IKBKB: variants seen among roughly 807,000 people sequenced by gnomAD.
IKBKB encodes inhibitor of nuclear factor kappa-B kinase subunit beta.
Under a neutral mutation model 113.6 loss-of-function variants are expected in IKBKB, and 42 were observed. The ratio of observed to expected loss-of-function variants is 0.37; its 90% CI spans 0.29 to 0.48. The LOEUF is 0.48. Among genes scored for constraint, IKBKB ranks in the 20% least tolerant of loss-of-function variants. The probability of loss-of-function intolerance (pLI) is 0.99; values close to 1 mark genes in which losing one functional copy is unlikely to be tolerated. For synonymous variants in IKBKB, 296 were observed against 361.3 expected (o/e 0.82, Z 2.05); for missense variants, 673 against 939.7 (o/e 0.72, Z 3.71).
At chr8:42,297,026 G>C (rs2130408337) in intron 5 of IKBKB, among the ~76,000 whole-genome samples, 1 of 152,256 alleles carries the variant, frequency 6.6e-6, no homozygotes, top group African/African-American at 2.4e-5. Flanking sequence ...CTTCTTTAGG[G>C]CATGACCTGA....
intron 2 of IKBKB, among the ~76,000 whole-genome samples, chr8:42,275,228 A>G (rs1028871888): frequency 2.0e-5 from 3 of 150,748 alleles, no homozygotes; most frequent in Admixed American, 2.0e-4. Context: ...TCAATCTGTC[A>G]TCCAGGCTGA....
rs200034788 is a variant in IKBKB at position 42,272,193 on chromosome 8, A to G, written c.93A>G (p.Arg31=). 6.2e-6 allele frequency: 10 copies of G among 1,614,138 alleles called. No homozygotes were observed. Among genetic ancestry groups the G allele is most frequent in the Admixed American group, 3.3e-5 (2 of 60,006 alleles). ...LGTGGFGNVI[R]WHNQETGEQI... ...CAGGGGGATTTGGAAATGTCATCCG[A>G]TGGCACAATCAGGTAGGCCCTCTGT... Residue 31 remains arginine (R), a synonymous_variant, in exon 2 of 22, where the codon CGA becomes CGG. Coordinates refer to ENST00000520810, the MANE Select transcript of IKBKB (RefSeq NM_001556.3).
In IKBKB at chr8:42,271,344, T is replaced by C; in HGVS notation, c.-144T>C. On this transcript the variant is annotated 5_prime_UTR_variant, in exon 1 of 22. Transcript: ENST00000520810. The stretch of plus-strand genomic sequence containing the variant: ...AGTGTTTGAGGAAGTCGCGCCGCGC[T>C]GCCCGCGTTAAGATTCCCGCATTTT... 7.8e-7 allele frequency: 1 copy of C among 1,275,314 alleles called. No individual in the cohort carries two copies. 79.0% of individuals were successfully genotyped at this position (1,275,314 alleles called of 1,614,324 possible). A position where few individuals can be genotyped will look rare whatever the true frequency, so the allele number is the denominator to read the frequency against.
In IKBKB at chr8:42,325,593, C is replaced by T. The variant is rs1016584397; in HGVS notation, c.1987-377C>T. 1.5e-4 allele frequency: 122 copies of T among 823,562 alleles called. 1 individual carries two copies. Among genetic ancestry groups the T allele is most frequent in the Non-Finnish European group, 1.8e-4 (118 of 672,164 alleles). The allele number at this position is 823,562 out of a possible 1,614,324, so 51.0% of individuals were successfully genotyped here. ...ACTTGGGAAGCTGAGGCAGGAGAAT[C>T]GCTTAAACCCCGGAGGTGGAGGTTG... On this transcript the variant is annotated intron_variant, in intron 19 of 21. Transcript: ENST00000520810.
At chr8:42,283,477 G>A (rs1162821081) in intron 2 of IKBKB, among the ~76,000 whole-genome samples, 1 of 152,230 alleles carries the variant, frequency 6.6e-6, no homozygotes, top group Non-Finnish European at 1.5e-5. Flanking sequence ...TCTTAAACGT[G>A]GGAGAAGGAG....
At chr8:42,311,827 T>A (rs1288949274) in intron 8 of IKBKB, among the ~76,000 whole-genome samples, 1 of 152,234 alleles carries the variant, frequency 6.6e-6, no homozygotes, top group Admixed American at 6.5e-5. Context: ...TCACACTTTA[T>A]AGTATACGCA....
At chr8:42,291,472 C>T (rs13281960) in intron 4 of IKBKB, among the ~76,000 whole-genome samples, 53 of 152,316 alleles carry the variant, frequency 3.5e-4, no homozygotes, top group Non-Finnish European at 5.0e-4. Flanking sequence ...TGAGCCACTG[C>T]GCCCAGCCAA....
chr8:42,328,318 C>T (rs1331366937), intron 20 of IKBKB, among the ~76,000 whole-genome samples: 2 of 146,900 alleles, frequency 1.4e-5, no homozygotes, highest in Non-Finnish European at 3.0e-5. Context: ...AGTATAGTAG[C>T]TAGACCGGGA....
intron 8 of IKBKB, among the ~76,000 whole-genome samples, chr8:42,310,998 C>T (rs1817591600): frequency 6.6e-6 from 1 of 152,132 alleles, no homozygotes; most frequent in Admixed American, 6.5e-5. Context: ...TAGGGAAATT[C>T]TTGCACACAG....
Position 42,325,220 on chromosome 8 carries a change from C to T in IKBKB, c.1987-750C>T, listed in dbSNP as rs1585815220. ...AGCTGGAATGGGAACCCCTGCTTGACCCTTCGGGCTGGGAGGGGCAGTGGC... is the reference window on the plus strand; with the variant it reads ...AGCTGGAATGGGAACCCCTGCTTGATCCTTCGGGCTGGGAGGGGCAGTGGC... On this transcript the variant is annotated intron_variant, in intron 19 of 21. Coordinates refer to ENST00000520810, the MANE Select transcript of IKBKB (RefSeq NM_001556.3). The T allele has an allele frequency of 7.1e-6, 7 of 985,274 alleles. No homozygotes were observed. The South Asian group carries it at 3.3e-4, about 46-fold the overall frequency. 61.0% of individuals were successfully genotyped at this position (985,274 alleles called of 1,614,324 possible).
rs762123434 is a variant in IKBKB at position 42,326,113 on chromosome 8, C to T, written c.2114+16C>T. The T allele has an allele frequency of 3.7e-6, 6 of 1,614,048 alleles. No individual in the cohort carries two copies. The highest frequency in any genetic ancestry group is 4.2e-6 in the Non-Finnish European group (5 of 1,179,976). On this transcript the variant is annotated intron_variant, in intron 20 of 21. Coordinates refer to ENST00000520810, the MANE Select transcript of IKBKB (RefSeq NM_001556.3). ...CCAAGAAGAGGTAGGTCCTCCTTAGCAGTGCCAAGTGTGACCATCAAGGGC... is the reference window on the plus strand; with the variant it reads ...CCAAGAAGAGGTAGGTCCTCCTTAGTAGTGCCAAGTGTGACCATCAAGGGC...
At chr8:42,279,296 A>ACTTCTTTT (rs1809846852) in intron 2 of IKBKB, among the ~76,000 whole-genome samples, 2 of 152,252 alleles carry the variant, frequency 1.3e-5, no homozygotes, top group Non-Finnish European at 2.9e-5. Flanking sequence ...TCTTAAAAGA[A>ACTTCTTTT]GCAGCTGGGC....
intron 3 of IKBKB, 26 bp downstream of exon 3, chr8:42,288,754 A>C (rs940487189): frequency 1.3e-6 from 2 of 1,566,596 alleles, no homozygotes; most frequent in Non-Finnish European, 1.7e-6. Context: ...ATAGGGACCC[A>C]AGGGAAAGCT....
chr8:42,285,535 A>T (rs952282591), intron 2 of IKBKB, among the ~76,000 whole-genome samples: 6 of 152,252 alleles, frequency 3.9e-5, no homozygotes, highest in Admixed American at 6.5e-5. Flanking sequence ...AGCCTGGGCA[A>T]CAGAGTGAGA....
chr8:42,326,181 G>T, intron 20 of IKBKB, 84 bp downstream of exon 20: 1 of 1,511,574 alleles, frequency 6.6e-7, no homozygotes. Flanking sequence ...ACTGGTAAAT[G>T]TCTGTCTGAT....
chr8:42,294,740 A>G (rs1813366829), intron 5 of IKBKB, among the ~76,000 whole-genome samples: 1 of 152,220 alleles, frequency 6.6e-6, no homozygotes, highest in African/African-American at 2.4e-5. Context: ...GTGCTGGCCC[A>G]AGGGATCCCC....
chr8:42,293,557 T>C, intron 5 of IKBKB, 45 bp downstream of exon 5: 1 of 1,613,424 alleles, frequency 6.2e-7, no homozygotes, highest in Non-Finnish European at 8.5e-7. Flanking sequence ...TCAGGGAGAG[T>C]GTGGTGCCCC....
At chr8:42,290,094 G>A (rs1812286572) in intron 3 of IKBKB, 62 bp from the exon 4 acceptor site, 1 of 1,114,378 alleles carries the variant, frequency 9.0e-7, no homozygotes, top group African/African-American at 1.5e-5. Flanking sequence ...ACCTGGTGGG[G>A]GTGGTGGGGA....
rs768966137 is a variant in IKBKB, at chr8:42,323,496, A to G, written c.1986+1002A>G. ...CAGAGCTGTTGGGACTGCAAGCCCC[A>G]TTGTGAAAGGCTGCAGAGAAGGTGA... On this transcript the variant is annotated intron_variant, in intron 19 of 21. Coordinates refer to ENST00000520810, the MANE Select transcript of IKBKB (RefSeq NM_001556.3). 2.2e-4 allele frequency among the ~76,000 whole-genome samples: 34 copies of G among 152,346 alleles called. No homozygotes were observed. In the Middle Eastern group the frequency reaches 0.01, roughly 46 times the overall value.
Sources: allele counts gnomAD v4.1 joint callset (sites outside exome capture counted in the v4.1 genomes callset), GRCh38; gene constraint gnomAD v4.1.1; transcripts MANE v1.5; gene names NCBI Gene and HGNC (gene_info 2026-07-23, HGNC 2026-07-21).